Variants in PMS1 observed in about 807,000 individuals in gnomAD.
PMS1 encodes PMS1 homolog 1, mismatch repair system component.
A neutral mutation model predicts 93.1 loss-of-function variants in PMS1; 79 were observed. That is an observed-to-expected ratio of 0.85 (90% CI 0.71 to 1.02). PMS1 has a LOEUF of 1.02. Ranked by LOEUF, PMS1 falls within the 50% of genes least tolerant of loss-of-function variation. The probability of loss-of-function intolerance (pLI) is 0.00; values close to 1 mark genes in which losing one functional copy is unlikely to be tolerated. For missense variants in PMS1, 1,064 were observed against 1,085.3 expected, an observed-to-expected ratio of 0.98 and a Z score of 0.28; for synonymous variants, 335 against 363.4, an observed-to-expected ratio of 0.92 and a Z score of 0.89.
chr2:189,865,019 T>C (rs1163506784), intron 10 of PMS1, among the ~76,000 whole-genome samples: 2 of 151,776 alleles, frequency 1.3e-5, no homozygotes, highest in African/African-American at 4.8e-5. Flanking sequence ...TACACGTACA[T>C]TTTCTTTCCT....
intron 9 of PMS1, chr2:189,857,568 T>G (rs1323806871): frequency 9.8e-6 from 4 of 406,800 alleles, no homozygotes; most frequent in Non-Finnish European, 2.0e-5. Flanking sequence ...CTTTTCTTCC[T>G]TCTTCTTTTT....
chr2:189,820,293 G>T lies in PMS1; in HGVS notation c.582+2113G>T, dbSNP rs575713995. 2.0e-5 allele frequency among the ~76,000 whole-genome samples: 3 copies of T among 152,098 alleles called. No individual in the cohort carries two copies. In the East Asian group the frequency reaches 5.8e-4, roughly 29 times the overall value. ...TTCAGAGTGCTTTGCTCTCTACCAT[G>T]CTCTCTTCCTTTTTTTTTTCTTTCC... is the stretch of plus-strand genomic sequence containing the variant. On this transcript the variant is annotated intron_variant, in intron 5 of 12. Coordinates refer to ENST00000441310, the MANE Select transcript of PMS1 (RefSeq NM_000534.5).
At chr2:189,823,068 CTCT>C (rs1317800726) in intron 5 of PMS1, among the ~76,000 whole-genome samples, 2 of 151,080 alleles carry the variant, frequency 1.3e-5, no homozygotes, top group African/African-American at 4.9e-5. Flanking sequence ...TTTTTTTCAT[CTCT>C]TTTTTCTTTT....
intron 12 of PMS1, among the ~76,000 whole-genome samples, chr2:189,874,931 T>A (rs5743193): frequency 0.046 from 7,050 of 151,978 alleles, 529 homozygotes; most frequent in African/African-American, 0.16. Flanking sequence ...ATAACAGGAA[T>A]AAAGTAAATT....
intron 2 of PMS1, among the ~76,000 whole-genome samples, chr2:189,794,295 G>A (rs972882887): frequency 4.6e-5 from 7 of 151,784 alleles, no homozygotes; most frequent in Middle Eastern, 3.4e-3. Context: ...TGTATTTTTA[G>A]TAGTGACCGA....
rs184250289 is a variant in PMS1 at position 189,805,411 on chromosome 2, C to T, written c.316-241C>T. On this transcript the variant is annotated intron_variant, in intron 3 of 12. Coordinates refer to ENST00000441310, the MANE Select transcript of PMS1 (RefSeq NM_000534.5). ...CATTTCAGGTATACTTGTTTGTGTA[C>T]GAGTGTTTTAATAAAGTGAAATACT... 1.1e-4 allele frequency among the ~76,000 whole-genome samples: 17 copies of T among 152,018 alleles called. No homozygotes were observed. The East Asian group carries it at 2.9e-3, about 26-fold the overall frequency.
rs1227569821 is a variant in PMS1, at chr2:189,854,327, A to G, written c.1055A>G (p.Asp352Gly). ...AATTCTTATGAAAATAATAAAACAG[A>G]TGTTTCCGCAGCTGACATCGTTCTT... Reference protein sequence around the residue: ...STNSYENNKTDVSAADIVLSK... With the variant: ...STNSYENNKTGVSAADIVLSK... The change falls in exon 9 of 13, where the codon GAT becomes GGT. Residue 352 changes from aspartate (D) to glycine (G), a missense_variant. Coordinates refer to ENST00000441310, the MANE Select transcript of PMS1 (RefSeq NM_000534.5). The G allele has an allele frequency of 1.9e-6, 3 of 1,595,566 alleles. No homozygotes were observed. The highest frequency in any genetic ancestry group is 2.7e-5 in the African/African-American group (2 of 73,972).
chr2:189,871,057 A>G (rs1276144341), intron 11 of PMS1, among the ~76,000 whole-genome samples: 1 of 152,208 alleles, frequency 6.6e-6, no homozygotes, highest in African/African-American at 2.4e-5. Context: ...TTCCTTTTAC[A>G]TATAAGTTCC....
At chr2:189,797,352 T>C (rs1445315226) in intron 3 of PMS1, among the ~76,000 whole-genome samples, 1 of 152,214 alleles carries the variant, frequency 6.6e-6, no homozygotes, top group East Asian at 1.9e-4. Flanking sequence ...ACTTGCATAG[T>C]ACCAATTATA....
At chr2:189,824,678 A>ATAAAGTTTT (rs2052267399) in intron 5 of PMS1, among the ~76,000 whole-genome samples, 1 of 152,112 alleles carries the variant, frequency 6.6e-6, no homozygotes, top group South Asian at 2.1e-4. Context: ...TGAAAGTAAT[A>ATAAAGTTTT]TAAAGTTTTT....
At chr2:189,871,251 A>G (rs761717592) in intron 11 of PMS1, among the ~76,000 whole-genome samples, 20 of 152,166 alleles carry the variant, frequency 1.3e-4, no homozygotes, top group Non-Finnish European at 2.6e-4. Flanking sequence ...CCTGGGACAC[A>G]TTGGAAGAGT....
At position 189,873,576 on chromosome 2, in the gene PMS1, G is replaced by T; in HGVS notation, c.2554G>T (p.Glu852Ter). The change falls in exon 12 of 13, where the codon GAA (glutamate) becomes TAA (stop). Residue 852 changes from glutamate (E) to a stop codon, truncating the protein, a stop_gained. Transcript: ENST00000441310. LOFTEE classifies it high-confidence loss of function. ...LPFYGVADLK[E>*]ILNAILNRNA... The stretch of plus-strand genomic sequence containing the variant: ...ATTCTATGGAGTAGCAGATTTAAAA[G>T]AAATTCTTAATGCTATATTAAACAG... The T allele has an allele frequency of 6.2e-7, 1 of 1,601,116 alleles. No individual in the cohort carries two copies. The highest frequency in any genetic ancestry group is 1.1e-5 in the South Asian group (1 of 90,776).
At chr2:189,877,185 A>T (rs1317351071) in intron 12 of PMS1, 87 bp from the exon 13 acceptor site, 1 of 1,047,892 alleles carries the variant, frequency 9.5e-7, no homozygotes, top group African/African-American at 1.6e-5. Context: ...GAAAATAATC[A>T]AGATTCTGTC....
intron 4 of PMS1, among the ~76,000 whole-genome samples, chr2:189,808,845 TTTAAA>T (rs1405214930): frequency 2.6e-5 from 4 of 152,188 alleles, no homozygotes; most frequent in African/African-American, 9.7e-5. Context: ...ATCTCTATCT[TTTAAA>T]TTATTGTACC....
intron 4 of PMS1, 147 bp downstream of exon 4, chr2:189,805,901 G>A (rs1416098610): frequency 6.5e-7 from 1 of 1,530,570 alleles, no homozygotes. Flanking sequence ...TAAACATTCA[G>A]CCTTTATTCT....
chr2:189,875,224 C>A (rs535021803), intron 12 of PMS1, among the ~76,000 whole-genome samples: 1 of 149,676 alleles, frequency 6.7e-6, no homozygotes, highest in African/African-American at 2.5e-5. Context: ...TCAGATATGG[C>A]TACTAGATGA....
In PMS1 at chr2:189,854,554, A is replaced by G. The variant is rs768607896; in HGVS notation, c.1282A>G (p.Ile428Val). 8.7e-6 allele frequency: 14 copies of G among 1,613,358 alleles called. No homozygotes were observed. The highest frequency in any genetic ancestry group is 1.2e-5 in the Non-Finnish European group (14 of 1,179,550). The change falls in exon 9 of 13, where the codon ATT becomes GTT. Residue 428 changes from isoleucine to valine, a missense_variant. Ile to Val is a conservative substitution (Grantham distance 29). Coordinates refer to ENST00000441310, the MANE Select transcript of PMS1 (RefSeq NM_000534.5). ...YGHCSSEISN[I>V]DKNTKNAFQD... Reference sequence around the variant, plus strand: ...TCATTGTAGTAGTGAAATTTCTAACATTGATAAAAACACTAAGAATGCATT... The same window carrying G: ...TCATTGTAGTAGTGAAATTTCTAACGTTGATAAAAACACTAAGAATGCATT...
chr2:189,798,416 C>A (rs963771194), intron 3 of PMS1, among the ~76,000 whole-genome samples: 1 of 152,136 alleles, frequency 6.6e-6, no homozygotes, highest in Non-Finnish European at 1.5e-5. Flanking sequence ...GTTTAGAGAT[C>A]ATTAAAGGGA....
Position 189,852,775 on chromosome 2 carries a change from A to C in PMS1, c.820A>C (p.Lys274Gln). The C allele has an allele frequency of 6.3e-7, 1 of 1,581,128 alleles. No homozygotes were observed. The highest frequency in any genetic ancestry group is 1.7e-4 in the Middle Eastern group (1 of 5,968). ...SRPVHQKDIL[K>Q]LIRHHYNLKC... is the part of the protein sequence containing the mutation. ...ACCAGTACATCAAAAAGATATCTTA[A>C]AGGTAGTATGCTTTAGAAAAAAAAA... is the stretch of plus-strand genomic sequence containing the variant. Residue 274 changes from lysine (K) to glutamine (Q), a missense_variant and splice_region_variant, in exon 7 of 13, where the codon AAG becomes CAG. Coordinates refer to ENST00000441310, the MANE Select transcript of PMS1 (RefSeq NM_000534.5).
Sources: gnomAD v4.1 joint callset for allele counts (sites outside exome capture counted in the v4.1 genomes callset) on GRCh38, gnomAD v4.1.1 for gene constraint, MANE v1.5 for transcripts, NCBI Gene and HGNC (gene_info 2026-07-23, HGNC 2026-07-21) for gene names.